The following NELL1 variants were observed in gnomAD, a reference collection of about 807,000 sequenced individuals.
The protein encoded by NELL1 is neural EGFL like 1, also known as protein kinase C-binding protein NELL1.
Under a neutral mutation model 107.4 loss-of-function variants are expected in NELL1, and 76 were observed. The observed-to-expected ratio is 0.71, with a 90% CI of 0.59 to 0.86. NELL1 has a LOEUF of 0.86. NELL1 is among the 40% of genes least tolerant of loss of function. NELL1 has a pLI of 0.00. For missense variants in NELL1, 1,024 were observed against 1,005.5 expected (o/e 1.02, Z -0.25); for synonymous variants, 353 against 341.2 (o/e 1.03, Z -0.38).
In NELL1 at chr11:21,432,506, C is replaced by A. The variant is rs1001661233; in HGVS notation, c.1645+61558C>A. Among the ~76,000 whole-genome samples, 3 of 152,070 alleles carry A rather than the reference C, an allele frequency of 2.0e-5. No individual in the cohort carries two copies. The East Asian group carries it at 5.8e-4, about 29-fold the overall frequency. ...ACTAGCTAAAGGACCCCAGGATACA[C>A]TTACAGTCAAATAAAGTTGAGTTTA... On this transcript the variant is annotated intron_variant, in intron 15 of 19. Coordinates refer to ENST00000357134, the MANE Select transcript of NELL1 (RefSeq NM_006157.5).
rs35016707 is a variant in NELL1, at chr11:20,797,565, CAAAAAAAAA to C, written c.335+13749_335+13757del. 5.8e-5 allele frequency among the ~76,000 whole-genome samples: 4 copies of C among 69,298 alleles called. No homozygotes were observed. In the East Asian group the frequency reaches 1.5e-3, roughly 25 times the overall value. The allele number at this position is 69,298 out of a possible 152,430, so 45.5% of individuals were successfully genotyped here. On this transcript the variant is annotated intron_variant, in intron 3 of 19. Coordinates refer to ENST00000357134, the MANE Select transcript of NELL1 (RefSeq NM_006157.5). ...TGGGCGACAGAGCGAGACTCCATCT[CAAAAAAAAA>C]AAAAAAAAAAAAAGACAGGAGGTTG...
chr11:20,712,984 C>T (rs895629284), intron 2 of NELL1, among the ~76,000 whole-genome samples: 1 of 152,220 alleles, frequency 6.6e-6, no homozygotes, highest in Non-Finnish European at 1.5e-5. Flanking sequence ...CATGGACAGA[C>T]AGGACCTCTG....
intron 13 of NELL1, among the ~76,000 whole-genome samples, chr11:21,149,706 A>G (rs1856070273): frequency 6.6e-6 from 1 of 152,208 alleles, no homozygotes; most frequent in Admixed American, 6.5e-5. Context: ...TACGTGCTGT[A>G]TACCAGGTGC....
intron 13 of NELL1, among the ~76,000 whole-genome samples, chr11:21,186,429 A>G (rs1270911193): frequency 6.6e-6 from 1 of 151,892 alleles, no homozygotes; most frequent in Admixed American, 6.6e-5. Context: ...CTCAGAATCC[A>G]TTAGTTCTCA....
intron 3 of NELL1, among the ~76,000 whole-genome samples, chr11:20,806,650 C>T (rs76630105): frequency 6.6e-6 from 1 of 152,242 alleles, no homozygotes; most frequent in Non-Finnish European, 1.5e-5. Flanking sequence ...TCTTTACCTC[C>T]CCTTTAAGGC....
chr11:21,015,354 C>T (rs1484681351), intron 12 of NELL1, among the ~76,000 whole-genome samples: 1 of 152,120 alleles, frequency 6.6e-6, no homozygotes, highest in Non-Finnish European at 1.5e-5. Flanking sequence ...GCTGTGATTA[C>T]TTGATACGTG....
intron 5 of NELL1, among the ~76,000 whole-genome samples, 182 bp downstream of exon 5, chr11:20,885,722 T>C (rs1308691263): frequency 6.6e-6 from 1 of 152,212 alleles, no homozygotes; most frequent in African/African-American, 2.4e-5. Flanking sequence ...ATGAATAAAC[T>C]GGTTTACTTG....
At chr11:20,832,873 T>C (rs989144111) in intron 3 of NELL1, among the ~76,000 whole-genome samples, 1 of 152,126 alleles carries the variant, frequency 6.6e-6, no homozygotes, top group African/African-American at 2.4e-5. Context: ...CCCACTCTCA[T>C]CCTCCAGTAC....
At chr11:21,464,387 T>C (rs1248132166) in intron 15 of NELL1, among the ~76,000 whole-genome samples, 1 of 131,018 alleles carries the variant, frequency 7.6e-6, no homozygotes, top group African/African-American at 2.9e-5. Context: ...AACTATTCTA[T>C]GAATATGTCC....
intron 13 of NELL1, among the ~76,000 whole-genome samples, chr11:21,210,744 T>C (rs1398735441): frequency 6.6e-6 from 1 of 152,172 alleles, no homozygotes; most frequent in Non-Finnish European, 1.5e-5. Flanking sequence ...TATTATTTTC[T>C]CCACCCACAA....
rs1360852926 is a variant in NELL1 at position 21,134,786 on chromosome 11, G to A, written c.1426+21072G>A. Among the ~76,000 whole-genome samples the A allele has an allele frequency of 6.6e-5, 10 of 152,314 alleles. No individual in the cohort carries two copies. In the East Asian group the frequency reaches 1.7e-3, roughly 26 times the overall value. On this transcript the variant is annotated intron_variant, in intron 13 of 19. Coordinates refer to ENST00000357134, the MANE Select transcript of NELL1 (RefSeq NM_006157.5). The stretch of plus-strand genomic sequence containing the variant: ...TATTAAATAGAGCGTGCTTTGAAAT[G>A]TAAAGTCCAAATGATTGAGTATTGG...
intron 2 of NELL1, among the ~76,000 whole-genome samples, chr11:20,700,996 T>G (rs922526724): frequency 6.6e-6 from 1 of 152,202 alleles, no homozygotes; most frequent in African/African-American, 2.4e-5. Context: ...TATAGCAGCA[T>G]GATTTATAGT....
chr11:21,355,408 C>T (rs1850910157), intron 14 of NELL1, among the ~76,000 whole-genome samples: 1 of 152,198 alleles, frequency 6.6e-6, no homozygotes, highest in African/African-American at 2.4e-5. Context: ...GCTTTACATG[C>T]ACTACCTCAT....
intron 3 of NELL1, among the ~76,000 whole-genome samples, chr11:20,834,604 G>A (rs1334408204): frequency 1.3e-5 from 2 of 152,018 alleles, no homozygotes; most frequent in East Asian, 3.9e-4. Flanking sequence ...TAGGGAGGCT[G>A]AGGCAGGAGA....
At chr11:20,851,343 GT>G (rs1265385970) in intron 4 of NELL1, among the ~76,000 whole-genome samples, 1 of 152,152 alleles carries the variant, frequency 6.6e-6, no homozygotes, top group Non-Finnish European at 1.5e-5. Flanking sequence ...TGTTTCAGCT[GT>G]TTAGCTGGGC....
intron 13 of NELL1, among the ~76,000 whole-genome samples, chr11:21,122,616 T>C (rs1325605754): frequency 1.3e-5 from 2 of 152,188 alleles, no homozygotes; most frequent in East Asian, 3.9e-4. Context: ...TAAATTCTCA[T>C]GGTTAAAGTC....
intron 2 of NELL1, among the ~76,000 whole-genome samples, chr11:20,689,634 C>T (rs1213827284): frequency 6.7e-6 from 1 of 148,466 alleles, no homozygotes; most frequent in South Asian, 2.2e-4. Flanking sequence ...TTTATGGCTG[C>T]ATAGTATTCC....
chr11:21,148,696 G>A (rs1316954709), intron 13 of NELL1, among the ~76,000 whole-genome samples: 1 of 152,190 alleles, frequency 6.6e-6, no homozygotes, highest in Non-Finnish European at 1.5e-5. Flanking sequence ...TCTGTAAGGA[G>A]CCAGTAAATT....
At chr11:21,136,195 T>G (rs1302367549) in intron 13 of NELL1, among the ~76,000 whole-genome samples, 5 of 152,124 alleles carry the variant, frequency 3.3e-5, no homozygotes, top group African/African-American at 1.2e-4. Context: ...GTGAGAACAT[T>G]TCATTCAGAG....
Sources: allele counts gnomAD v4.1 joint callset (sites outside exome capture counted in the v4.1 genomes callset), GRCh38; gene constraint gnomAD v4.1.1; transcripts MANE v1.5; gene names NCBI Gene and HGNC (gene_info 2026-07-23, HGNC 2026-07-21).